DLG2: variants seen among roughly 807,000 people sequenced by gnomAD.
DLG2 encodes disks large homolog 2.
A neutral mutation model predicts 132.5 loss-of-function variants in DLG2; 45 were observed. That is an observed-to-expected ratio of 0.34 (90% confidence interval 0.27 to 0.44). The LOEUF (loss-of-function observed/expected upper bound fraction) is 0.44. Ranked by LOEUF, DLG2 falls within the 20% of genes least tolerant of loss-of-function variation. The pLI, the probability that DLG2 is intolerant of heterozygous loss-of-function variation, is 1.00. For synonymous variants in DLG2, 424 were observed against 419.6 expected (o/e 1.01, Z -0.13); for missense variants, 1,045 against 1,196.9 (o/e 0.87, Z 1.87).
At chr11:84,174,657 G>T (rs1469245237) in intron 8 of DLG2, among the ~76,000 whole-genome samples, 1 of 152,090 alleles carries the variant, frequency 6.6e-6, no homozygotes, top group Non-Finnish European at 1.5e-5. Flanking sequence ...AACAAAAAAA[G>T]GCCTCTGCCT....
chr11:84,549,354 T>G (rs1592124516), intron 6 of DLG2, among the ~76,000 whole-genome samples: 1 of 152,202 alleles, frequency 6.6e-6, no homozygotes, highest in East Asian at 1.9e-4. Flanking sequence ...TACGATCTTG[T>G]GGGCAGTCCC....
intron 19 of DLG2, among the ~76,000 whole-genome samples, chr11:83,546,755 C>T (rs879943394): frequency 6.6e-6 from 1 of 152,082 alleles, no homozygotes; most frequent in Non-Finnish European, 1.5e-5. Context: ...CTAAGGATTT[C>T]ATGATTTGAT....
chr11:84,450,442 G>A (rs1450278635), intron 7 of DLG2, among the ~76,000 whole-genome samples: 1 of 149,370 alleles, frequency 6.7e-6, no homozygotes, highest in Non-Finnish European at 1.5e-5. Flanking sequence ...AACAGCAGGA[G>A]CAAAAGCAAG....
At chr11:85,526,040 C>T (rs2074715570) in intron 3 of DLG2, among the ~76,000 whole-genome samples, 1 of 152,142 alleles carries the variant, frequency 6.6e-6, no homozygotes, top group Admixed American at 6.5e-5. Flanking sequence ...TTTCCTCTTC[C>T]CACTAGCCAA....
Position 85,208,251 on chromosome 11 carries a change from T to A in DLG2, c.187-53600A>T, listed in dbSNP as rs188557319. Among the ~76,000 whole-genome samples the A allele has an allele frequency of 1.9e-3, 282 of 152,246 alleles. 1 individual carries two copies. The highest frequency in any genetic ancestry group is 6.5e-3 in the African/African-American group (272 of 41,560). Reference sequence around the variant, plus strand: ...TCTGACTCCAAAGCCCAGAATATTTTCCATGTATCATACAGTTTCAAAATT... The same window carrying A: ...TCTGACTCCAAAGCCCAGAATATTTACCATGTATCATACAGTTTCAAAATT... On this transcript the variant is annotated intron_variant, in intron 4 of 27. Coordinates refer to ENST00000376104, the MANE Select transcript of DLG2 (RefSeq NM_001142699.3).
chr11:85,273,108 A>G (rs967466640), intron 4 of DLG2, among the ~76,000 whole-genome samples: 1 of 152,218 alleles, frequency 6.6e-6, no homozygotes, highest in Admixed American at 6.5e-5. Context: ...TTAATTCAAG[A>G]TGGATTAAAG....
rs538888787 is a variant in DLG2, at chr11:84,878,283, T to C, written c.357+233378A>G. ...CACATGCATGTTCATTGCAGCACTA[T>C]TCACAATAGCAAGGATAAAAACCCA... On this transcript the variant is annotated intron_variant, in intron 6 of 27. Coordinates refer to ENST00000376104, the MANE Select transcript of DLG2 (RefSeq NM_001142699.3). 5.3e-5 allele frequency among the ~76,000 whole-genome samples: 8 copies of C among 152,258 alleles called. No homozygotes were observed. In the East Asian group the frequency reaches 1.5e-3, roughly 29 times the overall value.
intron 6 of DLG2, among the ~76,000 whole-genome samples, chr11:84,559,507 T>C (rs2099418857): frequency 6.6e-6 from 1 of 152,074 alleles, no homozygotes; most frequent in African/African-American, 2.4e-5. Context: ...ACATAAAATA[T>C]TTTTTTCAGC....
At chr11:84,869,275 C>G (rs1488324808) in intron 6 of DLG2, among the ~76,000 whole-genome samples, 1 of 152,134 alleles carries the variant, frequency 6.6e-6, no homozygotes, top group Non-Finnish European at 1.5e-5. Flanking sequence ...GTGCCATGGA[C>G]CTTCCTATTT....
chr11:84,551,465 T>C (rs1316359797), intron 6 of DLG2, among the ~76,000 whole-genome samples: 2 of 152,258 alleles, frequency 1.3e-5, no homozygotes, highest in African/African-American at 4.8e-5. Context: ...GACAGTGTCA[T>C]CTTTCAGATT....
intron 3 of DLG2, among the ~76,000 whole-genome samples, chr11:85,304,448 A>T (rs1264819265): frequency 2.0e-5 from 3 of 152,160 alleles, no homozygotes; most frequent in African/African-American, 7.2e-5. Flanking sequence ...TGAAGGTCCA[A>T]GAATTTTAAT....
intron 14 of DLG2, among the ~76,000 whole-genome samples, chr11:83,940,679 C>T (rs1015634565): frequency 3.7e-4 from 56 of 152,156 alleles, no homozygotes; most frequent in African/African-American, 1.3e-3. Context: ...AATTATACCT[C>T]CTATTTTAAA....
chr11:85,563,118 A>C (rs2077345323), intron 3 of DLG2, among the ~76,000 whole-genome samples: 2 of 151,702 alleles, frequency 1.3e-5, no homozygotes, highest in African/African-American at 4.8e-5. Context: ...GATAGGCATG[A>C]GTTTATCCCA....
chr11:84,490,316 T>C (rs1218209445), intron 7 of DLG2, among the ~76,000 whole-genome samples: 1 of 152,144 alleles, frequency 6.6e-6, no homozygotes, highest in Non-Finnish European at 1.5e-5. Flanking sequence ...CAGTTGGAGG[T>C]ATGCTTTTAC....
At chr11:85,548,728 C>T (rs1598434287) in intron 3 of DLG2, among the ~76,000 whole-genome samples, 1 of 152,152 alleles carries the variant, frequency 6.6e-6, no homozygotes, top group Non-Finnish European at 1.5e-5. Flanking sequence ...GCCACAGTGG[C>T]CTTGCTGAGC....
chr11:84,831,763 T>C, intron 6 of DLG2, among the ~76,000 whole-genome samples: 1 of 151,668 alleles, frequency 6.6e-6, no homozygotes, highest in Admixed American at 6.6e-5. Context: ...CAAATACTCA[T>C]ATTCAACTGT....
At chr11:85,597,730 A>G (rs1231948107) in intron 3 of DLG2, among the ~76,000 whole-genome samples, 1 of 151,656 alleles carries the variant, frequency 6.6e-6, no homozygotes, top group East Asian at 1.9e-4. Flanking sequence ...AAGCCTTATA[A>G]GTTCCTATTT....
At chr11:85,308,908 A>G (rs1373318910) in intron 3 of DLG2, among the ~76,000 whole-genome samples, 1 of 152,070 alleles carries the variant, frequency 6.6e-6, no homozygotes, top group Admixed American at 6.6e-5. Flanking sequence ...TATTTTCCCT[A>G]TGGTGGGTAA....
At chr11:83,854,809 T>C (rs1369447115) in intron 16 of DLG2, among the ~76,000 whole-genome samples, 6 of 151,998 alleles carry the variant, frequency 3.9e-5, no homozygotes, top group African/African-American at 1.4e-4. Flanking sequence ...ATATGGACAG[T>C]TTTTATTTTA....
Sources: gnomAD v4.1 joint callset for allele counts (sites outside exome capture counted in the v4.1 genomes callset) on GRCh38, gnomAD v4.1.1 for gene constraint, MANE v1.5 for transcripts, NCBI Gene and HGNC (gene_info 2026-07-23, HGNC 2026-07-21) for gene names.